GLIS1: variants seen among roughly 807,000 people sequenced by gnomAD.
GLIS1 encodes the protein zinc finger protein GLIS1.
Under a neutral mutation model 63.8 loss-of-function variants are expected in GLIS1, and 24 were observed. The ratio of observed to expected loss-of-function variants is 0.38; its 90% CI spans 0.27 to 0.53. The LOEUF is 0.53. Among genes scored for constraint, GLIS1 ranks in the 20% least tolerant of loss-of-function variants. GLIS1 has a pLI of 0.85. For synonymous variants in GLIS1, 450 were observed against 482.5 expected (o/e 0.93, Z 0.88); for missense variants, 1,036 against 1,074.1 (o/e 0.96, Z 0.50).
chr1:53,666,307 G>C (rs11206188), intron 2 of GLIS1, among the ~76,000 whole-genome samples: 2 of 152,206 alleles, frequency 1.3e-5, no homozygotes, highest in East Asian at 1.9e-4. Flanking sequence ...CTAACCTGCA[G>C]ATAAGGAAAA....
At chr1:53,591,438 A>G (rs1355570454) in intron 4 of GLIS1, among the ~76,000 whole-genome samples, 2 of 152,246 alleles carry the variant, frequency 1.3e-5, no homozygotes, top group African/African-American at 4.8e-5. Flanking sequence ...AGCTACACAA[A>G]CAAGAGCATT....
intron 4 of GLIS1, among the ~76,000 whole-genome samples, chr1:53,546,511 C>A (rs1177615045): frequency 6.6e-6 from 1 of 152,218 alleles, no homozygotes; most frequent in African/African-American, 2.4e-5. Context: ...CTCAGCCTCT[C>A]TGGTCCTGGA....
At chr1:53,591,530 T>C (rs1645193205) in intron 4 of GLIS1, among the ~76,000 whole-genome samples, 1 of 152,232 alleles carries the variant, frequency 6.6e-6, no homozygotes, top group Admixed American at 6.5e-5. Context: ...TTTATTACCA[T>C]TATCATTCTT....
intron 4 of GLIS1, among the ~76,000 whole-genome samples, chr1:53,557,576 G>A (rs1644846706): frequency 6.6e-6 from 1 of 152,192 alleles, no homozygotes; most frequent in African/African-American, 2.4e-5. Flanking sequence ...CATGCCCTGT[G>A]GCTGAGGCCG....
At chr1:53,714,778 G>A (rs1021313694) in intron 2 of GLIS1, among the ~76,000 whole-genome samples, 2 of 152,238 alleles carry the variant, frequency 1.3e-5, no homozygotes, top group Admixed American at 6.5e-5. Context: ...ATGGACAGGC[G>A]CAGCAAAGGA....
chr1:53,606,050 A>G (rs1200579538), intron 2 of GLIS1, among the ~76,000 whole-genome samples: 1 of 152,172 alleles, frequency 6.6e-6, no homozygotes, highest in African/African-American at 2.4e-5. Context: ...CACCCTTCTG[A>G]GCCTCAGTTT....
At chr1:53,641,164 C>T (rs547540502) in intron 2 of GLIS1, among the ~76,000 whole-genome samples, 1 of 152,274 alleles carries the variant, frequency 6.6e-6, no homozygotes, top group South Asian at 2.1e-4. Context: ...TTCTTGGAAC[C>T]ATCAGAGTGC....
chr1:53,556,187 TTGTG>T (rs948802453), intron 4 of GLIS1, among the ~76,000 whole-genome samples: 6 of 89,078 alleles, frequency 6.7e-5, no homozygotes, highest in Non-Finnish European at 8.8e-5. Flanking sequence ...TACTGTAGGT[TTGTG>T]TGTGTGTGCA....
rs960661525 is a variant in GLIS1 at position 53,604,918 on chromosome 1, G to A, written c.260-4640C>T. Reference sequence around the variant, plus strand: ...CATTAAAAAATATATATATATGTGTGTGTGTGTGTGTGTGTATATATATAC... The same window carrying A: ...CATTAAAAAATATATATATATGTGTATGTGTGTGTGTGTGTATATATATAC... On this transcript the variant is annotated intron_variant, in intron 2 of 10. Coordinates refer to ENST00000628545, the MANE Select transcript of GLIS1 (RefSeq NM_001367484.1). 9.6e-3 allele frequency among the ~76,000 whole-genome samples: 177 copies of A among 18,524 alleles called. 1 individual carries two copies. In the Non-Finnish European group the frequency reaches 0.14, roughly 14 times the overall value. 12.2% of individuals were successfully genotyped at this position (18,524 alleles called of 152,430 possible).
chr1:53,679,720 G>GTGAGT lies in GLIS1; in HGVS notation c.259+58085_259+58086insACTCA, dbSNP rs1200306816. Among the ~76,000 whole-genome samples, 462 of 152,310 alleles carry GTGAGT rather than the reference G, an allele frequency of 3.0e-3. 2 individuals are homozygous for GTGAGT. The highest frequency in any genetic ancestry group is 0.011 in the African/African-American group (452 of 41,578). ...TGGCTGCTCTGAGCATGCTTCCTTG[G>GTGAGT]GACAGCAATCACTCCTGCCTTCTGG... On this transcript the variant is annotated intron_variant, in intron 2 of 10. Transcript: ENST00000628545.
intron 4 of GLIS1, among the ~76,000 whole-genome samples, chr1:53,552,037 C>G (rs989845055): frequency 2.0e-5 from 3 of 152,096 alleles, no homozygotes; most frequent in African/African-American, 7.3e-5. Context: ...ATACACATCC[C>G]AACATACTGC....
At chr1:53,527,944 G>A (rs1408311840) in intron 5 of GLIS1, among the ~76,000 whole-genome samples, 2 of 152,304 alleles carry the variant, frequency 1.3e-5, no homozygotes, top group Middle Eastern at 3.4e-3. Flanking sequence ...TGTTGCTTTG[G>A]GGCTGGGTCC....
intron 2 of GLIS1, among the ~76,000 whole-genome samples, chr1:53,617,552 G>A (rs1411971683): frequency 6.6e-6 from 1 of 152,220 alleles, no homozygotes; most frequent in Non-Finnish European, 1.5e-5. Context: ...TGACATCTGT[G>A]TGTTTGCAGC....
At chr1:53,524,941 G>A (rs1213224314) in intron 5 of GLIS1, 54 bp from the exon 6 acceptor site, 13 of 1,327,496 alleles carry the variant, frequency 9.8e-6, no homozygotes, top group Admixed American at 1.7e-5. Context: ...TACGGGACAC[G>A]CGCCTCCGCG....
At chr1:53,533,324 T>C (rs1293128952) in intron 4 of GLIS1, among the ~76,000 whole-genome samples, 1 of 152,152 alleles carries the variant, frequency 6.6e-6, no homozygotes, top group African/African-American at 2.4e-5. Context: ...ATCTCAATCA[T>C]GGGGCAAAGG....
Position 53,594,803 on chromosome 1 carries a change from G to C in GLIS1, c.625C>G (p.Pro209Ala), listed in dbSNP as rs1645236966. 2 of 1,607,380 alleles carry C rather than the reference G, an allele frequency of 1.2e-6. No homozygotes were observed. The highest frequency in any genetic ancestry group is 8.5e-7 in the Non-Finnish European group (1 of 1,177,430). The stretch of plus-strand genomic sequence containing the variant: ...CCCAGAAGGTAGCAGGAAGGCGCAG[G>C]GGTGGCGAGGCTTCGGCCCGGGAGG... Reference protein sequence around the residue: ...LDLPGRSLATPAPSCYLLGSE... With the variant: ...LDLPGRSLATAAPSCYLLGSE... Residue 209 changes from proline (P) to alanine (A), a missense_variant, in exon 4 of 11, where the codon CCT becomes GCT. By Grantham distance (27) the Pro-to-Ala change is conservative. Coordinates refer to ENST00000628545, the MANE Select transcript of GLIS1 (RefSeq NM_001367484.1).
intron 2 of GLIS1, among the ~76,000 whole-genome samples, chr1:53,628,179 C>G (rs939061955): frequency 6.6e-6 from 1 of 152,178 alleles, no homozygotes; most frequent in African/African-American, 2.4e-5. Flanking sequence ...CCTGGGGTGC[C>G]TTTAGTGGTC....
intron 2 of GLIS1, among the ~76,000 whole-genome samples, chr1:53,618,599 C>G (rs1464576050): frequency 6.6e-6 from 1 of 152,216 alleles, no homozygotes; most frequent in Non-Finnish European, 1.5e-5. Context: ...TAGCTGTGCA[C>G]AGGGCTGCAC....
chr1:53,602,256 C>T (rs1319258143), intron 2 of GLIS1, among the ~76,000 whole-genome samples: 2 of 152,100 alleles, frequency 1.3e-5, no homozygotes, highest in Non-Finnish European at 2.9e-5. Flanking sequence ...AGCAGGCTGC[C>T]GCTCATTTAA....
Sources: allele counts gnomAD v4.1 joint callset (sites outside exome capture counted in the v4.1 genomes callset), GRCh38; gene constraint gnomAD v4.1.1; transcripts MANE v1.5; gene names NCBI Gene and HGNC (gene_info 2026-07-23, HGNC 2026-07-21).